KMO: variants seen among roughly 807,000 people sequenced by gnomAD.
KMO encodes kynurenine 3-monooxygenase, also known as kynurenine 3-hydroxylase.
Under a neutral mutation model 57.8 loss-of-function variants are expected in KMO, and 24 were observed. The observed-to-expected ratio is 0.42, with a 90% confidence interval of 0.30 to 0.58. KMO has a LOEUF of 0.58. Ranked by LOEUF, KMO falls within the 20% of genes least tolerant of loss-of-function variation. The pLI is 0.22. For missense variants in KMO, 483 were observed against 588.2 expected, an observed-to-expected ratio of 0.82 and a Z score of 1.85; for synonymous variants, 210 against 193.6, an observed-to-expected ratio of 1.08 and a Z score of -0.70.
rs373844722 is a variant in KMO, at chr1:241,549,689, C to T, written c.137C>T (p.Ala46Val). Residue 46 changes from alanine (A) to valine (V), a missense_variant, in exon 3 of 15, where the codon GCT becomes GTT. Around this residue, in one of 3 missense-constraint regions of KMO, gnomAD observed 70 missense variants for 78.4 expected, o/e 0.89. Transcript: ENST00000366559. ...TCCAATGTCTCAGATACTCGAGTGGCTACCTTCACACGTGGAAGAAGCATT... is the reference window on the plus strand; with the variant it reads ...TCCAATGTCTCAGATACTCGAGTGGTTACCTTCACACGTGGAAGAAGCATT... ...VYEAREDTRV[A>V]TFTRGRSINL... The T allele has an allele frequency of 5.0e-6, 8 of 1,611,588 alleles. No individual in the cohort carries two copies. The highest frequency in any genetic ancestry group is 2.2e-5 in the East Asian group (1 of 44,818).
Position 241,562,109 on chromosome 1 carries a change from A to G in KMO, c.450-58A>G. The G allele has an allele frequency of 2.7e-6, 4 of 1,461,946 alleles. No individual in the cohort carries two copies. In the South Asian group the frequency reaches 4.8e-5, roughly 17 times the overall value. 90.6% of individuals were successfully genotyped at this position (1,461,946 alleles called of 1,614,324 possible). A position where few individuals can be genotyped will look rare whatever the true frequency, so the allele number is the denominator to read the frequency against. ...CACTACTTCTCATACCCAGAGGTACATCATCATTTTCACCACTAGACATAT... is the reference window on the plus strand; with the variant it reads ...CACTACTTCTCATACCCAGAGGTACGTCATCATTTTCACCACTAGACATAT... On this transcript the variant is annotated intron_variant, in intron 6 of 14. Transcript: ENST00000366559.
intron 10 of KMO, among the ~76,000 whole-genome samples, chr1:241,584,827 G>A (rs1181524348): frequency 6.6e-6 from 1 of 152,148 alleles, no homozygotes; most frequent in Non-Finnish European, 1.5e-5. Context: ...TAAGTGCCCA[G>A]GACCTGACAT....
At chr1:241,543,050 A>C (rs10926514) in intron 1 of KMO, among the ~76,000 whole-genome samples, 44,495 of 152,018 alleles carry the variant, frequency 0.29, 7,601 homozygotes, top group Non-Finnish European at 0.39. Flanking sequence ...TTTATACGAG[A>C]TCTATTTCCT....
chr1:241,593,093 A>G lies in KMO; in HGVS notation c.*940A>G, dbSNP rs1297124331. 13 of 203,220 alleles carry G rather than the reference A, an allele frequency of 6.4e-5. 1 individual carries two copies. The East Asian group carries it at 1.3e-3, about 21-fold the overall frequency. 12.6% of individuals were successfully genotyped at this position (203,220 alleles called of 1,614,324 possible). A position where few individuals can be genotyped will look rare whatever the true frequency, so the allele number is the denominator to read the frequency against. On this transcript the variant is annotated 3_prime_UTR_variant, in exon 15 of 15. Coordinates refer to ENST00000366559, the MANE Select transcript of KMO (RefSeq NM_003679.5). The stretch of plus-strand genomic sequence containing the variant: ...GCCAGCCCAGAGTTACCCTCTAAAG[A>G]TAAGAAAAAGGCTATTAATATCATA...
At chr1:241,567,749 A>G (rs1241214798) in intron 9 of KMO, among the ~76,000 whole-genome samples, 1 of 152,222 alleles carries the variant, frequency 6.6e-6, no homozygotes, top group African/African-American at 2.4e-5. Context: ...TTTAGTCTCT[A>G]TGGATCCCAC....
chr1:241,565,451 C>T (rs973523671), intron 8 of KMO, among the ~76,000 whole-genome samples: 4 of 151,554 alleles, frequency 2.6e-5, no homozygotes, highest in East Asian at 3.9e-4. Context: ...ATGGGCGCAG[C>T]GGCTCACACC....
At chr1:241,542,807 T>C (rs1173779196) in intron 1 of KMO, among the ~76,000 whole-genome samples, 1 of 152,212 alleles carries the variant, frequency 6.6e-6, no homozygotes, top group Non-Finnish European at 1.5e-5. Context: ...TTTCCACTTA[T>C]ATATTTCTGT....
At chr1:241,534,605 T>C (rs917509227) in intron 1 of KMO, among the ~76,000 whole-genome samples, 5 of 152,250 alleles carry the variant, frequency 3.3e-5, no homozygotes, top group Admixed American at 2.0e-4. Context: ...CAGTAAGCCT[T>C]GAGGCTCTAT....
At chr1:241,573,209 C>A (rs1662371731) in intron 10 of KMO, among the ~76,000 whole-genome samples, 1 of 152,160 alleles carries the variant, frequency 6.6e-6, no homozygotes, top group East Asian at 1.9e-4. Flanking sequence ...CTGGTTTCGA[C>A]CTGCTGTGCT....
chr1:241,550,882 A>G (rs1289489883), intron 3 of KMO, 73 bp from the exon 4 acceptor site: 2 of 717,590 alleles, frequency 2.8e-6, no homozygotes, highest in African/African-American at 1.9e-5. Context: ...TTACATTTAA[A>G]AATCAACTTC....
chr1:241,583,156 T>C (rs1051212260), intron 10 of KMO, among the ~76,000 whole-genome samples: 2 of 152,154 alleles, frequency 1.3e-5, no homozygotes, highest in African/African-American at 4.8e-5. Context: ...GGAGTTTTTC[T>C]CCCCATGCTA....
At chr1:241,561,748 C>A (rs1033834831) in intron 6 of KMO, among the ~76,000 whole-genome samples, 1 of 152,176 alleles carries the variant, frequency 6.6e-6, no homozygotes, top group Non-Finnish European at 1.5e-5. Flanking sequence ...CCCTTCCTTT[C>A]TCTCCCTACC....
In KMO at chr1:241,592,004, A is replaced by G; in HGVS notation, c.1312A>G (p.Thr438Ala). The change falls in exon 15 of 15, where the codon ACC becomes GCC. Residue 438 changes from threonine to alanine, a missense_variant. Physicochemically the swap from Thr to Ala is moderately conservative, Grantham distance 58. Coordinates refer to ENST00000366559, the MANE Select transcript of KMO (RefSeq NM_003679.5). Reference sequence around the variant, plus strand: ...GGGATCACTGATAGCCATCAGCAGTACCTACCTACTTATACACTACATGTC... The same window carrying G: ...GGGATCACTGATAGCCATCAGCAGTGCCTACCTACTTATACACTACATGTC... Reference protein sequence around the residue: ...FLGSLIAISSTYLLIHYMSPR... With the variant: ...FLGSLIAISSAYLLIHYMSPR... 1.2e-6 allele frequency: 2 copies of G among 1,614,000 alleles called. No individual in the cohort carries two copies. The highest frequency in any genetic ancestry group is 1.7e-6 in the Non-Finnish European group (2 of 1,179,896).
At chr1:241,566,131 G>A (rs747164666) in intron 8 of KMO, among the ~76,000 whole-genome samples, 8 of 152,162 alleles carry the variant, frequency 5.3e-5, no homozygotes, top group Non-Finnish European at 1.2e-4. Flanking sequence ...GCTTGAACCT[G>A]GGAGGCAGAG....
At chr1:241,548,088 A>AACACACACAAACACACAC (rs139108754) in intron 1 of KMO, among the ~76,000 whole-genome samples, 1 of 148,848 alleles carries the variant, frequency 6.7e-6, no homozygotes, top group Non-Finnish European at 1.5e-5. Flanking sequence ...AAACAAACAA[A>AACACACACAAACACACAC]ACACACACAC....
At chr1:241,585,664 G>T (rs1573939057) in intron 10 of KMO, among the ~76,000 whole-genome samples, 2 of 151,660 alleles carry the variant, frequency 1.3e-5, no homozygotes, top group Admixed American at 1.3e-4. Context: ...GGCTGAGGAA[G>T]GAGAATCATT....
chr1:241,590,761 CATAG>C (rs60759304), intron 14 of KMO, among the ~76,000 whole-genome samples: 44,371 of 151,842 alleles, frequency 0.29, 6,742 homozygotes, highest in East Asian at 0.42. Context: ...TTATTTGGTA[CATAG>C]ATAGCACTGA....
At chr1:241,559,905 C>T (rs1661775229) in intron 5 of KMO, among the ~76,000 whole-genome samples, 1 of 152,068 alleles carries the variant, frequency 6.6e-6, no homozygotes, top group Admixed American at 6.5e-5. Flanking sequence ...TGAACTAAAT[C>T]ATCTCTGAAG....
intron 1 of KMO, among the ~76,000 whole-genome samples, chr1:241,533,346 A>C (rs1377223425): frequency 6.6e-6 from 1 of 152,198 alleles, no homozygotes; most frequent in Non-Finnish European, 1.5e-5. Flanking sequence ...CTCAACAAAA[A>C]ATTTATTGAG....
Sources: gnomAD v4.1 joint callset for allele counts (sites outside exome capture counted in the v4.1 genomes callset) on GRCh38, gnomAD v4.1.1 for gene constraint, gnomAD v4.1.1 regional missense constraint, MANE v1.5 for transcripts, NCBI Gene and HGNC (gene_info 2026-07-23, HGNC 2026-07-21) for gene names.